WDR17: variants seen among roughly 807,000 people sequenced by gnomAD.
WDR17 encodes WD repeat domain 17.
In WDR17, 143 loss-of-function variants were observed where a neutral mutation model predicts 161.7. The ratio of observed to expected loss-of-function variants is 0.88; its 90% CI spans 0.77 to 1.02. The LOEUF (loss-of-function observed/expected upper bound fraction) is 1.02, where lower values mean the gene tolerates loss of function less well. Among genes scored for constraint, WDR17 ranks in the 50% least tolerant of loss-of-function variants. The pLI is 0.00. For missense variants in WDR17, 1,469 were observed against 1,520.9 expected (o/e 0.97, Z 0.57); for synonymous variants, 517 against 515.6 (o/e 1.00, Z -0.04).
intron 1 of WDR17, among the ~76,000 whole-genome samples, chr4:176,067,563 A>G (rs1206111624): frequency 6.6e-6 from 1 of 152,244 alleles, no homozygotes; most frequent in East Asian, 1.9e-4. Context: ...TGCTTACTTG[A>G]AAGTTTTAAC....
intron 9 of WDR17, among the ~76,000 whole-genome samples, chr4:176,138,076 C>T (rs1054289160): frequency 1.3e-5 from 2 of 151,594 alleles, no homozygotes; most frequent in Admixed American, 1.3e-4. Flanking sequence ...AACCTGCTCT[C>T]TTGTATTTGT....
intron 10 of WDR17, 131 bp downstream of exon 10, chr4:176,140,105 C>A: frequency 3.3e-6 from 2 of 611,684 alleles, no homozygotes; most frequent in South Asian, 3.0e-5. Flanking sequence ...TATTTTTAAG[C>A]CCATATAGGC....
chr4:176,078,082 A>T (rs1465998589), intron 1 of WDR17, among the ~76,000 whole-genome samples: 6 of 152,046 alleles, frequency 3.9e-5, no homozygotes, highest in Admixed American at 2.0e-4. Context: ...AATTATCTTG[A>T]TATTTATGCA....
intron 1 of WDR17, among the ~76,000 whole-genome samples, chr4:176,087,766 A>G (rs1735600944): frequency 6.6e-6 from 1 of 152,200 alleles, no homozygotes; most frequent in Admixed American, 6.6e-5. Flanking sequence ...ATCAACTAAT[A>G]AACTCATCCA....
intron 12 of WDR17, among the ~76,000 whole-genome samples, chr4:176,147,087 G>A (rs572394101): frequency 1.2e-4 from 18 of 152,066 alleles, no homozygotes; most frequent in Middle Eastern, 3.4e-3. Context: ...GGATGGTCTC[G>A]ATCTCTTGAC....
chr4:176,100,689 T>G (rs1737678674), intron 1 of WDR17, among the ~76,000 whole-genome samples: 1 of 152,098 alleles, frequency 6.6e-6, no homozygotes, highest in Non-Finnish European at 1.5e-5. Flanking sequence ...TTCCCCTAGG[T>G]TTTCTTCTAG....
intron 1 of WDR17, among the ~76,000 whole-genome samples, chr4:176,069,066 C>A (rs903213275): frequency 6.6e-6 from 1 of 152,040 alleles, no homozygotes; most frequent in Non-Finnish European, 1.5e-5. Context: ...CATGGGCTGT[C>A]ACATTAGAAG....
intron 18 of WDR17, 132 bp downstream of exon 18, chr4:176,156,275 A>G (rs1748114852): frequency 2.0e-5 from 16 of 806,568 alleles, no homozygotes; most frequent in Admixed American, 3.1e-5. Context: ...TAAATTTTGT[A>G]TCTACTGATA....
rs148833065 is a variant in WDR17 at position 176,143,818 on chromosome 4, C to T, written c.1529+1749C>T. On this transcript the variant is annotated intron_variant, in intron 11 of 28. Transcript: ENST00000508596. ...CTACAGTTTACACCCTTTATCATCA[C>T]CTCCTCTCTCTCTACCCCACCTCTC... 5.0e-3 allele frequency among the ~76,000 whole-genome samples: 767 copies of T among 152,156 alleles called. 18 individuals are homozygous for T. Among genetic ancestry groups the T allele is most frequent in the Admixed American group, 0.045 (680 of 15,258 alleles).
chr4:176,110,101 T>A (rs1249536879), intron 1 of WDR17, among the ~76,000 whole-genome samples: 1 of 152,124 alleles, frequency 6.6e-6, no homozygotes, highest in Non-Finnish European at 1.5e-5. Context: ...AATGGAAGAT[T>A]GTCTCTCATA....
intron 1 of WDR17, chr4:176,068,143 A>G (rs1178372736): frequency 6.6e-6 from 1 of 152,218 alleles, no homozygotes; most frequent in East Asian, 1.9e-4. Context: ...AATTATGTAT[A>G]TGGAAGCATC....
At chr4:176,075,964 G>T (rs1465547676) in intron 1 of WDR17, among the ~76,000 whole-genome samples, 1 of 151,830 alleles carries the variant, frequency 6.6e-6, no homozygotes, top group Admixed American at 6.6e-5. Context: ...GTTGCAGCGA[G>T]ACCCTGGCTC....
intron 1 of WDR17, among the ~76,000 whole-genome samples, chr4:176,073,721 A>G (rs1437327019): frequency 2.7e-5 from 4 of 149,830 alleles, no homozygotes. Context: ...AGTCCCACCA[A>G]CAGTGTAAAA....
intron 1 of WDR17, among the ~76,000 whole-genome samples, chr4:176,084,135 G>A (rs906220724): frequency 6.6e-6 from 1 of 151,908 alleles, no homozygotes; most frequent in African/African-American, 2.4e-5. Flanking sequence ...GAATGCAAGT[G>A]TTTTAGTCTG....
intron 1 of WDR17, among the ~76,000 whole-genome samples, chr4:176,080,469 G>A (rs926991621): frequency 6.6e-6 from 1 of 151,952 alleles, no homozygotes; most frequent in Admixed American, 6.6e-5. Flanking sequence ...TGGGGAGAAG[G>A]CACTGAAGTA....
Position 176,180,082 on chromosome 4 carries a change from AC to A in WDR17, c.*504del, listed in dbSNP as rs1283625234. On this transcript the variant is annotated 3_prime_UTR_variant, in exon 29 of 29. Coordinates refer to ENST00000508596, the MANE Select transcript of WDR17 (RefSeq NM_181265.4). The stretch of plus-strand genomic sequence containing the variant: ...TTATAAAATGCATAGTAAACCACTA[AC>A]GTTAGCTGTTTTAATAAAAGTTTTC... 4.6e-5 allele frequency: 7 copies of A among 152,160 alleles called. No individual in the cohort carries two copies. The East Asian group carries it at 1.3e-3, about 29-fold the overall frequency. 9.4% of individuals were successfully genotyped at this position (152,160 alleles called of 1,614,324 possible).
intron 18 of WDR17, among the ~76,000 whole-genome samples, chr4:176,157,787 A>G (rs1048894648): frequency 3.3e-5 from 5 of 152,190 alleles, no homozygotes; most frequent in Non-Finnish European, 5.9e-5. Context: ...GTTGCTTTCT[A>G]TGTTAGGTAT....
intron 1 of WDR17, among the ~76,000 whole-genome samples, chr4:176,080,713 A>G (rs1180360004): frequency 6.6e-6 from 1 of 152,070 alleles, no homozygotes; most frequent in East Asian, 1.9e-4. Flanking sequence ...CCTGTCTGAA[A>G]TATTTAACCT....
chr4:176,131,446 C>A, intron 6 of WDR17, 108 bp from the exon 7 acceptor site: 1 of 1,119,534 alleles, frequency 8.9e-7, no homozygotes, highest in Non-Finnish European at 1.2e-6. Flanking sequence ...TGATCATTGC[C>A]TAAATGGTTT....
Sources: allele counts gnomAD v4.1 joint callset (sites outside exome capture counted in the v4.1 genomes callset), GRCh38; gene constraint gnomAD v4.1.1; transcripts MANE v1.5; gene names NCBI Gene and HGNC (gene_info 2026-07-23, HGNC 2026-07-21).